The following LMNB2 variants were observed in gnomAD, a reference collection of about 807,000 sequenced individuals.
The protein encoded by LMNB2 is lamin-B2.
LMNB2 carries 17 observed loss-of-function variants against 69.3 expected under a neutral mutation model. That is an observed-to-expected ratio of 0.25 (90% CI 0.17 to 0.37). The LOEUF (loss-of-function observed/expected upper bound fraction) is 0.37, where lower values mean the gene tolerates loss of function less well. Ranked by LOEUF, LMNB2 falls within the 10% of genes least tolerant of loss-of-function variation. LMNB2 has a pLI of 1.00. For missense variants in LMNB2, 789 were observed against 883.6 expected (o/e 0.89, Z 1.36); for synonymous variants, 397 against 389.3 (o/e 1.02, Z -0.23).
chr19:2,435,178 AC>A lies in LMNB2; in HGVS notation c.685-8del, dbSNP rs2145449571. The A allele has an allele frequency of 6.2e-7, 1 of 1,600,378 alleles. No homozygotes were observed. Among genetic ancestry groups the A allele is most frequent in the East Asian group, 2.2e-5 (1 of 44,866 alleles). On this transcript the variant is annotated splice_region_variant and splice_polypyrimidine_tract_variant and intron_variant, in intron 4 of 11. Transcript: ENST00000325327. Reference sequence around the variant, plus strand: ...GCCGCGTCTCCCGCACCTCCTGCGGACCAAGGCTTCGTGACCCTCTGGTCCC... The same window carrying A: ...GCCGCGTCTCCCGCACCTCCTGCGGACAAGGCTTCGTGACCCTCTGGTCCC...
chr19:2,432,430 C>T lies in LMNB2; in HGVS notation c.1576G>A (p.Gly526Ser), dbSNP rs775811254. Residue 526 changes from glycine (G) to serine (S), a missense_variant, in exon 9 of 12, where the codon GGC (glycine) becomes AGC (serine). Coordinates refer to ENST00000325327, the MANE Select transcript of LMNB2 (RefSeq NM_032737.4). ...CCACCACCTACCGTGACCATCTGGC[C>T]GGCGCGCAGGATGTACTTGGGCGTG... is the stretch of plus-strand genomic sequence containing the variant. ...KFTPKYILRA[G>S]QMVTVWAAGA... 46 of 1,612,890 alleles carry T rather than the reference C, an allele frequency of 2.9e-5. No individual in the cohort carries two copies. The highest frequency in any genetic ancestry group is 4.4e-5 in the South Asian group (4 of 91,072).
rs1269271046 is a variant in LMNB2, at chr19:2,430,943, T to C, written c.1831A>G (p.Arg611Gly). The C allele has an allele frequency of 6.2e-7, 1 of 1,609,776 alleles. No homozygotes were observed. Among genetic ancestry groups the C allele is most frequent in the Non-Finnish European group, 8.5e-7 (1 of 1,176,360 alleles). The change falls in exon 12 of 12, where the codon AGG becomes GGG. Residue 611 changes from arginine to glycine, a missense_variant. Arg to Gly is a moderately radical substitution (Grantham distance 125). Transcript: ENST00000325327. ...EDLFHQQGDP[R>G]TTSRGCYVM is the part of the protein sequence containing the mutation. ...ACGTAGCAGCCTCTTGAGGTGGTCC[T>C]CGGGTCCCCCTGCAGGAAGGAAGGA...
rs1599343664 is a variant in LMNB2 at position 2,454,302 on chromosome 19, A to G, written c.264+2368T>C. On this transcript the variant is annotated intron_variant, in intron 1 of 11. Coordinates refer to ENST00000325327, the MANE Select transcript of LMNB2 (RefSeq NM_032737.4). ...AGCGAGACTCTATCTCAAAAAAAAA[A>G]AAAAAAAAAAAGAAAGAAAAGCAGG... is the stretch of plus-strand genomic sequence containing the variant. Among the ~76,000 whole-genome samples the G allele has an allele frequency of 7.3e-5, 11 of 151,222 alleles. 3 individuals carry two copies. The highest frequency in any genetic ancestry group is 7.2e-4 in the Admixed American group (11 of 15,204).
chr19:2,441,219 C>T (rs1971896942), intron 2 of LMNB2, among the ~76,000 whole-genome samples: 1 of 152,258 alleles, frequency 6.6e-6, no homozygotes. Context: ...GTAAAAGCAT[C>T]CGTGCCGGGT....
intron 7 of LMNB2, 29 bp downstream of exon 7, chr19:2,434,266 G>C (rs1389631401): frequency 6.2e-7 from 1 of 1,607,850 alleles, no homozygotes; most frequent in Non-Finnish European, 8.5e-7. Context: ...TCCTCACTCT[G>C]TGCTCCCAAG....
intron 1 of LMNB2, among the ~76,000 whole-genome samples, chr19:2,450,163 C>A (rs1222428255): frequency 6.7e-6 from 1 of 148,638 alleles, no homozygotes; most frequent in African/African-American, 2.6e-5. Context: ...CATCCCATCG[C>A]CCCAGCGTGA....
intron 2 of LMNB2, among the ~76,000 whole-genome samples, chr19:2,439,467 G>C (rs1402693265): frequency 6.6e-6 from 1 of 152,134 alleles, no homozygotes; most frequent in Non-Finnish European, 1.5e-5. Context: ...GCTGAGCACT[G>C]TCCCTGGCCT....
chr19:2,453,619 A>T lies in LMNB2; in HGVS notation c.264+3051T>A, dbSNP rs1972054999. Among the ~76,000 whole-genome samples the T allele has an allele frequency of 1.3e-5, 2 of 152,112 alleles. No individual in the cohort carries two copies. The highest frequency in any genetic ancestry group is 1.3e-4 in the Admixed American group (2 of 15,264). On this transcript the variant is annotated intron_variant, in intron 1 of 11. Transcript: ENST00000325327. The surrounding 1 kb of genome is among the most constrained non-coding windows in gnomAD (Gnocchi z 4.4). ...GGAGGGGCCAGTGTGTCACCTGCTA[A>T]ATGGCTGCCTTCACTGGAGTCAGAC...
At chr19:2,449,552 G>A (rs926324811) in intron 1 of LMNB2, among the ~76,000 whole-genome samples, 1 of 152,180 alleles carries the variant, frequency 6.6e-6, no homozygotes, top group Non-Finnish European at 1.5e-5. Flanking sequence ...GGCTGAGGCG[G>A]GCGAATTACT....
intron 2 of LMNB2, among the ~76,000 whole-genome samples, chr19:2,439,532 T>G (rs1805029193): frequency 1.3e-5 from 2 of 151,982 alleles, no homozygotes; most frequent in Admixed American, 1.3e-4. Context: ...ACCACAAGTG[T>G]CCCCAGGAAT....
At position 2,447,321 on chromosome 19, in the gene LMNB2, A is replaced by G. The variant is rs1267008687; in HGVS notation, c.265-2781T>C. Among the ~76,000 whole-genome samples the G allele has an allele frequency of 6.6e-6, 1 of 152,118 alleles. No homozygotes were observed. Among genetic ancestry groups the G allele is most frequent in the Non-Finnish European group, 1.5e-5 (1 of 68,022 alleles). On this transcript the variant is annotated intron_variant, in intron 1 of 11. Coordinates refer to ENST00000325327, the MANE Select transcript of LMNB2 (RefSeq NM_032737.4). This position sits in a 1 kb window ranked among gnomAD's most constrained non-coding sequence, Gnocchi z 4.4. ...TCACACTCATGAGACGCCAGACACA[A>G]AACGCCACACAGTGTGTAATCCCAT...
rs771966483 is a variant in LMNB2 at position 2,444,545 on chromosome 19, G to A, written c.265-5C>T. 6 of 1,608,514 alleles carry A rather than the reference G, an allele frequency of 3.7e-6. No homozygotes were observed. Among genetic ancestry groups the A allele is most frequent in the Non-Finnish European group, 4.2e-6 (5 of 1,179,996 alleles). ...CAGCGCCTTGATGCCACTCACCTGG[G>A]GAGACCCAGGACAGGGTGAAGCGAG... On this transcript the variant is annotated splice_polypyrimidine_tract_variant and splice_region_variant and intron_variant, in intron 1 of 11. Transcript: ENST00000325327.
At chr19:2,431,525 G>T in intron 11 of LMNB2, 23 bp downstream of exon 11, 1 of 1,613,784 alleles carries the variant, frequency 6.2e-7, no homozygotes, top group Non-Finnish European at 8.5e-7. Flanking sequence ...CCCCCCAGCC[G>T]CAAGTGGGCA....
chr19:2,450,121 C>CATATACATATAT (rs1972004089), intron 1 of LMNB2, among the ~76,000 whole-genome samples: 1 of 142,366 alleles, frequency 7.0e-6, no homozygotes, highest in East Asian at 2.0e-4. Context: ...TATATATACA[C>CATATACATATAT]ATATATATAT....
intron 2 of LMNB2, among the ~76,000 whole-genome samples, chr19:2,439,408 G>A (rs1488740475): frequency 2.0e-5 from 3 of 152,146 alleles, no homozygotes; most frequent in Middle Eastern, 3.4e-3. Context: ...CCAGGGTTCC[G>A]CAGCGTCACA....
rs754033043 is a variant in LMNB2 at position 2,447,194 on chromosome 19, T to TAA, written c.265-2656_265-2655dup. ...TGAAAAATAAAAATAAATAAAAAAATAAAAGCAATGCGGTCCCTCCACCAT... is the reference window on the plus strand; with the variant it reads ...TGAAAAATAAAAATAAATAAAAAAATAAAAAAGCAATGCGGTCCCTCCACCAT... On this transcript the variant is annotated intron_variant, in intron 1 of 11. Transcript: ENST00000325327. The surrounding 1 kb of genome is among the most constrained non-coding windows in gnomAD (Gnocchi z 4.4). Among the ~76,000 whole-genome samples the TAA allele has an allele frequency of 1.3e-4, 19 of 151,840 alleles. No homozygotes were observed. The highest frequency in any genetic ancestry group is 2.2e-4 in the Non-Finnish European group (15 of 67,982).
chr19:2,446,245 C>A (rs1177034917), intron 1 of LMNB2, among the ~76,000 whole-genome samples: 1 of 150,700 alleles, frequency 6.6e-6, no homozygotes, highest in Admixed American at 6.7e-5. Flanking sequence ...CCGACGGAGA[C>A]CCAGCCCAGC....
intron 11 of LMNB2, among the ~76,000 whole-genome samples, 157 bp downstream of exon 11, chr19:2,431,391 C>T (rs547136596): frequency 2.6e-5 from 4 of 152,160 alleles, no homozygotes; most frequent in Non-Finnish European, 5.9e-5. Flanking sequence ...AGGTCTCTGC[C>T]GTGCTGGTAA....
intron 1 of LMNB2, among the ~76,000 whole-genome samples, chr19:2,455,566 G>T (rs1285597012): frequency 6.6e-6 from 1 of 152,080 alleles, no homozygotes. Flanking sequence ...CACCTCTCAC[G>T]GAAGGGTCCC....
Sources: gnomAD v4.1 joint callset for allele counts (sites outside exome capture counted in the v4.1 genomes callset) on GRCh38, gnomAD v4.1.1 for gene constraint, Gnocchi (gnomAD v3.1) non-coding constraint, MANE v1.5 for transcripts, NCBI Gene and HGNC (gene_info 2026-07-23, HGNC 2026-07-21) for gene names.